The following PELP1 variants were observed in gnomAD, a reference collection of about 807,000 sequenced individuals.
PELP1 encodes proline-, glutamic acid- and leucine-rich protein 1.
A neutral mutation model predicts 95.5 loss-of-function variants in PELP1; 32 were observed. That is an observed-to-expected ratio of 0.34 (90% CI 0.25 to 0.45). The LOEUF (loss-of-function observed/expected upper bound fraction) is 0.45. Among genes scored for constraint, PELP1 ranks in the 20% least tolerant of loss-of-function variants. The probability of loss-of-function intolerance (pLI) is 1.00; values close to 1 mark genes in which losing one functional copy is unlikely to be tolerated. For missense variants in PELP1, 1,358 were observed against 1,444.8 expected, an observed-to-expected ratio of 0.94 and a Z score of 0.97; for synonymous variants, 668 against 600.1, an observed-to-expected ratio of 1.11 and a Z score of -1.65.
rs567669309 is a variant in PELP1, at chr17:4,672,970, A to G, written c.2021T>C (p.Val674Ala). 14 of 1,579,244 alleles carry G rather than the reference A, an allele frequency of 8.9e-6. No individual in the cohort carries two copies. The highest frequency in any genetic ancestry group is 2.3e-5 in the South Asian group (2 of 87,192). The change falls in exon 16 of 17, where the codon GTG (valine) becomes GCG (alanine). Residue 674 changes from valine (V) to alanine (A), a missense_variant. Val to Ala is a moderately conservative substitution (Grantham distance 64). Transcript: ENST00000572293. ...PFHPPGPMPS[V>A]GSMPSAGPMP... ...GGGGCCTGCTGAGGGCATGGAGCCC[A>G]CTGAGGGCATGGGGCCCGGAGGATG...
chr17:4,703,028 A>T (rs1913606413), intron 1 of PELP1, among the ~76,000 whole-genome samples: 1 of 152,160 alleles, frequency 6.6e-6, no homozygotes, highest in Non-Finnish European at 1.5e-5. Flanking sequence ...GTGTATGAAG[A>T]AGAGTTTAGA....
chr17:4,671,878 T>A lies in PELP1; in HGVS notation c.3113A>T (p.Glu1038Val), dbSNP rs760892145. The change falls in exon 16 of 17, where the codon GAG becomes GTG. Residue 1038 changes from glutamate (E) to valine (V), a missense_variant. Glu to Val is a moderately radical substitution (Grantham distance 121). Coordinates refer to ENST00000572293, the MANE Select transcript of PELP1 (RefSeq NM_014389.3). The stretch of plus-strand genomic sequence containing the variant: ...TGCCGCAGGGCTTTCCCCTTCCCTC[T>A]CCACCTCTCCCTGGGAGGGGAGCGC... ...PEALPSQGEV[E>V]REGESPAAGP... 29 of 1,514,316 alleles carry A rather than the reference T, an allele frequency of 1.9e-5. No individual in the cohort carries two copies. The highest frequency in any genetic ancestry group is 2.3e-5 in the Non-Finnish European group (26 of 1,135,090). The allele number at this position is 1,514,316 out of a possible 1,614,324, so 93.8% of individuals were successfully genotyped here.
At chr17:4,703,839 C>G in intron 1 of PELP1, 24 bp downstream of exon 1, 3 of 1,591,038 alleles carry the variant, frequency 1.9e-6, no homozygotes, top group Non-Finnish European at 2.6e-6. Flanking sequence ...CACAGGGCCG[C>G]GGGCACGCGG....
Position 4,676,204 on chromosome 17 carries a change from T to C in PELP1, c.854-42A>G, listed in dbSNP as rs550216726. 8 of 1,605,270 alleles carry C rather than the reference T, an allele frequency of 5.0e-6. No individual in the cohort carries two copies. The Admixed American group carries it at 1.0e-4, about 20-fold the overall frequency. On this transcript the variant is annotated intron_variant, in intron 7 of 16. Transcript: ENST00000572293. ...TACCCTGTACACTGTCTTTCTTCCA[T>C]CCCCTCCTCTGTCATTTCTGGTGGA...
At position 4,671,371 on chromosome 17, in the gene PELP1, G is replaced by C. The variant is rs1468595369; in HGVS notation, c.*68C>G. On this transcript the variant is annotated 3_prime_UTR_variant, in exon 17 of 17. Coordinates refer to ENST00000572293, the MANE Select transcript of PELP1 (RefSeq NM_014389.3). ...GCTGGGGACCCAGGTGTGGCAAAAG[G>C]CAGAAGCAGCAGTCGCTATCTAAGG... 1 of 901,024 alleles carries C rather than the reference G, an allele frequency of 1.1e-6. No individual in the cohort carries two copies. Among genetic ancestry groups the C allele is most frequent in the African/African-American group, 1.6e-5 (1 of 61,380 alleles). The allele number at this position is 901,024 out of a possible 1,614,324, so 55.8% of individuals were successfully genotyped here. A position where few individuals can be genotyped will look rare whatever the true frequency, so the allele number is the denominator to read the frequency against.
intron 1 of PELP1, among the ~76,000 whole-genome samples, chr17:4,703,043 C>T (rs1050164122): frequency 6.6e-6 from 1 of 152,160 alleles, no homozygotes; most frequent in African/African-American, 2.4e-5. Flanking sequence ...TTTAGAATTA[C>T]TTGAGTGTCT....
rs1567663877 is a variant in PELP1, at chr17:4,682,489, C to T, written c.642+13G>A. ...GCTTACACTGGTGGGGAGAAGAGTG[C>T]ATAAATACTTACTTTGAGAGAACCA... is the stretch of plus-strand genomic sequence containing the variant. On this transcript the variant is annotated intron_variant, in intron 5 of 16. Transcript: ENST00000572293. The T allele has an allele frequency of 6.4e-7, 1 of 1,563,440 alleles. No homozygotes were observed. The highest frequency in any genetic ancestry group is 1.7e-5 in the Admixed American group (1 of 59,930).
At chr17:4,687,526 C>T (rs919640362) in intron 3 of PELP1, among the ~76,000 whole-genome samples, 4 of 143,594 alleles carry the variant, frequency 2.8e-5, no homozygotes, top group African/African-American at 1.0e-4. Context: ...AAAAAAGTAT[C>T]TTCAACTAGA....
intron 1 of PELP1, among the ~76,000 whole-genome samples, chr17:4,702,226 C>A (rs1913567006): frequency 6.6e-6 from 1 of 152,138 alleles, no homozygotes; most frequent in Admixed American, 6.5e-5. Context: ...TGAGACCAGC[C>A]TGGGCAACAT....
chr17:4,694,942 C>T (rs1913240070), intron 1 of PELP1, among the ~76,000 whole-genome samples: 1 of 150,324 alleles, frequency 6.7e-6, no homozygotes. Context: ...CCGGGAGAAT[C>T]GCTTGAACCC....
At chr17:4,678,215 G>GA (rs962060049) in intron 5 of PELP1, among the ~76,000 whole-genome samples, 19 of 146,462 alleles carry the variant, frequency 1.3e-4, no homozygotes, top group Non-Finnish European at 2.0e-4. Context: ...CTCTGTCTCA[G>GA]AAAAAAAAAA....
chr17:4,691,260 CTT>C, intron 2 of PELP1, 116 bp downstream of exon 2: 1 of 784,264 alleles, frequency 1.3e-6, no homozygotes, highest in South Asian at 1.6e-5. Context: ...TCTCCACACT[CTT>C]GGGAATAGAG....
At position 4,676,746 on chromosome 17, in the gene PELP1, C is replaced by G; in HGVS notation, c.702+7G>C. The G allele has an allele frequency of 5.1e-6, 8 of 1,566,176 alleles. No homozygotes were observed. Among genetic ancestry groups the G allele is most frequent in the Middle Eastern group, 3.3e-4 (2 of 6,008 alleles). ...CCGGGCTCTCCCTCTCCCTCCCTGC[C>G]CTTTACCTGTTGGAGCTGAGGGCTC... On this transcript the variant is annotated splice_region_variant and intron_variant, in intron 6 of 16. Transcript: ENST00000572293.
chr17:4,683,531 CTT>C (rs59870828), intron 3 of PELP1, among the ~76,000 whole-genome samples: 6 of 96,574 alleles, frequency 6.2e-5, no homozygotes, highest in Non-Finnish European at 7.7e-5. Flanking sequence ...GTTTTCTTTT[CTT>C]TTTTTTTTTT....
chr17:4,695,338 A>AAATAAATG (rs1913257788), intron 1 of PELP1, among the ~76,000 whole-genome samples: 1 of 151,358 alleles, frequency 6.6e-6, no homozygotes, highest in Non-Finnish European at 1.5e-5. Flanking sequence ...ATAAATAAAT[A>AAATAAATG]AAATGGCTAA....
chr17:4,671,938 C>T lies in PELP1; in HGVS notation c.3053G>A (p.Arg1018His), dbSNP rs772151976. ...EVEEPGTEEE[R>H]GADTAPTLAP... is the part of the protein sequence containing the mutation. The stretch of plus-strand genomic sequence containing the variant: ...CAGGGTGGGAGCTGTGTCAGCCCCA[C>T]GCTCCTCCTCCGTCCCTGGCTCCTC... The change falls in exon 16 of 17, where the codon CGT becomes CAT. Residue 1018 changes from arginine (R) to histidine (H), a missense_variant. Transcript: ENST00000572293. The T allele has an allele frequency of 7.9e-6, 12 of 1,523,720 alleles. No individual in the cohort carries two copies. Among genetic ancestry groups the T allele is most frequent in the East Asian group, 2.3e-5 (1 of 44,224 alleles). The allele number at this position is 1,523,720 out of a possible 1,614,324, so 94.4% of individuals were successfully genotyped here.
At chr17:4,696,007 TAA>T (rs145740556) in intron 1 of PELP1, among the ~76,000 whole-genome samples, 1 of 117,960 alleles carries the variant, frequency 8.5e-6, no homozygotes, top group Non-Finnish European at 1.8e-5. Flanking sequence ...CTGATAACCA[TAA>T]AAAAAAGAGT....
At chr17:4,684,408 A>G (rs1343958411) in intron 3 of PELP1, among the ~76,000 whole-genome samples, 2 of 152,214 alleles carry the variant, frequency 1.3e-5, no homozygotes, top group African/African-American at 4.8e-5. Flanking sequence ...AGTAACTATA[A>G]AAACAGCAAT....
At chr17:4,696,470 G>A (rs1034442438) in intron 1 of PELP1, among the ~76,000 whole-genome samples, 11 of 152,204 alleles carry the variant, frequency 7.2e-5, no homozygotes, top group African/African-American at 2.7e-4. Flanking sequence ...AAGGTTAAGG[G>A]AGTGGGACCA....
Sources: gnomAD v4.1 joint callset for allele counts (sites outside exome capture counted in the v4.1 genomes callset) on GRCh38, gnomAD v4.1.1 for gene constraint, MANE v1.5 for transcripts, NCBI Gene and HGNC (gene_info 2026-07-23, HGNC 2026-07-21) for gene names.